The following XRCC5 variants were observed in gnomAD, a reference collection of about 807,000 sequenced individuals.
XRCC5 encodes the protein DNA repair protein Ku80.
Under a neutral mutation model 95.7 loss-of-function variants are expected in XRCC5, and 12 were observed. That is an observed-to-expected ratio of 0.13 (90% CI 0.08 to 0.20). The LOEUF (loss-of-function observed/expected upper bound fraction) is 0.20, where lower values mean the gene tolerates loss of function less well. XRCC5 is among the 10% of genes least tolerant of loss of function. The pLI is 1.00. For synonymous variants in XRCC5, 281 were observed against 290.3 expected (o/e 0.97, Z 0.33); for missense variants, 595 against 873.9 (o/e 0.68, Z 4.02).
intron 16 of XRCC5, among the ~76,000 whole-genome samples, chr2:216,185,089 C>A (rs1447177604): frequency 6.6e-6 from 1 of 152,158 alleles, no homozygotes; most frequent in Non-Finnish European, 1.5e-5. Flanking sequence ...TCTTCAGCTC[C>A]CATAGGACAG....
intron 18 of XRCC5, among the ~76,000 whole-genome samples, 198 bp downstream of exon 18, chr2:216,192,933 CAG>C (rs1325874615): frequency 1.3e-5 from 2 of 152,104 alleles, no homozygotes; most frequent in Non-Finnish European, 1.5e-5. Context: ...AGCATAAATA[CAG>C]AGTGATAAAT....
At chr2:216,152,504 C>T (rs754338759) in intron 14 of XRCC5, among the ~76,000 whole-genome samples, 18 of 152,064 alleles carry the variant, frequency 1.2e-4, no homozygotes, top group Admixed American at 4.6e-4. Context: ...GTGAGAACTC[C>T]GCAGTTTTGT....
intron 11 of XRCC5, among the ~76,000 whole-genome samples, chr2:216,137,529 A>G (rs899403210): frequency 9.9e-5 from 15 of 152,246 alleles, no homozygotes; most frequent in Non-Finnish European, 1.5e-5. Flanking sequence ...TTTAGATTAA[A>G]AGAATAATCA....
intron 16 of XRCC5, among the ~76,000 whole-genome samples, chr2:216,172,746 C>G (rs207930): frequency 0.26 from 38,845 of 151,950 alleles, 6,114 homozygotes; most frequent in Non-Finnish European, 0.37. Context: ...GGATTACATG[C>G]GTGAGCTGCC....
At chr2:216,126,841 C>T (rs958163668) in intron 7 of XRCC5, among the ~76,000 whole-genome samples, 2 of 151,782 alleles carry the variant, frequency 1.3e-5, no homozygotes, top group African/African-American at 4.8e-5. Flanking sequence ...ATATAGTCTC[C>T]CTCCTCTTTT....
chr2:216,117,412 A>G lies in XRCC5; in HGVS notation c.320-334A>G, dbSNP rs41298734. The stretch of plus-strand genomic sequence containing the variant: ...GTTAGGAGTGACTTGCAAATGCTAC[A>G]TTATGGTTCGCTTCATATTTAAGAA... On this transcript the variant is annotated intron_variant, in intron 3 of 20. Coordinates refer to ENST00000392132, the MANE Select transcript of XRCC5 (RefSeq NM_021141.4). The G allele has an allele frequency of 2.1e-4, 63 of 293,750 alleles. No individual in the cohort carries two copies. The East Asian group carries it at 3.4e-3, about 16-fold the overall frequency. 18.2% of individuals were successfully genotyped at this position (293,750 alleles called of 1,614,324 possible).
intron 19 of XRCC5, chr2:216,204,050 ACT>A: frequency 2.2e-6 from 1 of 447,304 alleles, no homozygotes; most frequent in Non-Finnish European, 4.2e-6. Flanking sequence ...GACACTACAC[ACT>A]GTCTCGACAA....
rs750922846 is a variant in XRCC5 at position 216,113,093 on chromosome 2, A to G, written c.99A>G (p.Gln33=). The change falls in exon 2 of 21, where the codon CAA becomes CAG. Residue 33 remains glutamine, a synonymous_variant. Coordinates refer to ENST00000392132, the MANE Select transcript of XRCC5 (RefSeq NM_021141.4). ...CTGGTATAGAATCCCCATTTGAACA[A>G]GCAAAGAAGGTGATAACCATGTTTG... ...SIPGIESPFE[Q]AKKVITMFVQ... The G allele has an allele frequency of 6.2e-7, 1 of 1,614,014 alleles. No individual in the cohort carries two copies. Among genetic ancestry groups the G allele is most frequent in the African/African-American group, 1.3e-5 (1 of 74,948 alleles).
At chr2:216,113,847 T>A (rs1170434247) in intron 2 of XRCC5, among the ~76,000 whole-genome samples, 2 of 152,254 alleles carry the variant, frequency 1.3e-5, no homozygotes, top group Admixed American at 1.3e-4. Context: ...ATGGGTTTTC[T>A]ATGAGACCCT....
chr2:216,165,992 G>A (rs981331062), intron 16 of XRCC5, among the ~76,000 whole-genome samples: 1 of 152,168 alleles, frequency 6.6e-6, no homozygotes, highest in African/African-American at 2.4e-5. Context: ...CTGGCAGAGA[G>A]GAGATAACCA....
intron 16 of XRCC5, among the ~76,000 whole-genome samples, chr2:216,181,592 G>T (rs957870945): frequency 3.3e-5 from 5 of 152,172 alleles, no homozygotes; most frequent in African/African-American, 1.2e-4. Flanking sequence ...AGATGCTTGT[G>T]ATTTGAGAAC....
rs1689695700 is a variant in XRCC5, at chr2:216,195,345, T to TTTTCTTTTC, written c.2109+362_2109+363insCTTTTCTTT. 3.8e-3 allele frequency among the ~76,000 whole-genome samples: 474 copies of TTTTCTTTTC among 125,258 alleles called. 1 individual carries two copies. The highest frequency in any genetic ancestry group is 6.0e-3 in the Non-Finnish European group (361 of 60,164). 82.2% of individuals were successfully genotyped at this position (125,258 alleles called of 152,430 possible). ...TTACTTGGTGAGCTTGTTTTTCTTT[T>TTTTCTTTTC]TTTTCTTTTCTTTTCTTTTCTTTTC... On this transcript the variant is annotated intron_variant, in intron 19 of 20. Transcript: ENST00000392132.
At chr2:216,123,981 G>A (rs904570583) in intron 6 of XRCC5, among the ~76,000 whole-genome samples, 35 of 152,160 alleles carry the variant, frequency 2.3e-4, no homozygotes, top group African/African-American at 8.4e-4. Context: ...CCAGAACTTT[G>A]CCATCCAGTA....
intron 19 of XRCC5, among the ~76,000 whole-genome samples, chr2:216,199,329 A>C (rs866828431): frequency 2.0e-5 from 3 of 152,218 alleles, no homozygotes; most frequent in South Asian, 2.1e-4. Context: ...CTTAAGAGCT[A>C]TTACCCTCCA....
intron 19 of XRCC5, among the ~76,000 whole-genome samples, chr2:216,198,518 T>G (rs1036085713): frequency 2.0e-5 from 3 of 151,624 alleles, no homozygotes; most frequent in African/African-American, 4.8e-5. Flanking sequence ...ACTTGATCCT[T>G]TGTATGAAAA....
At chr2:216,123,897 G>C (rs2106005130) in intron 6 of XRCC5, among the ~76,000 whole-genome samples, 1 of 152,332 alleles carries the variant, frequency 6.6e-6, no homozygotes, top group African/African-American at 2.4e-5. Flanking sequence ...ATATCAGATA[G>C]GGAAATTACT....
intron 19 of XRCC5, among the ~76,000 whole-genome samples, chr2:216,196,358 C>T (rs1689720597): frequency 6.6e-6 from 1 of 152,126 alleles, no homozygotes; most frequent in Admixed American, 6.5e-5. Context: ...CAATACTGAG[C>T]ACCATAGGCT....
chr2:216,191,252 T>C (rs1428190227), intron 17 of XRCC5, among the ~76,000 whole-genome samples: 1 of 151,968 alleles, frequency 6.6e-6, no homozygotes, highest in Non-Finnish European at 1.5e-5. Context: ...CTAGGTGGAG[T>C]GTCTTATAAC....
chr2:216,150,138 A>G (rs1184042539), intron 14 of XRCC5, among the ~76,000 whole-genome samples: 1 of 152,118 alleles, frequency 6.6e-6, no homozygotes, highest in African/African-American at 2.4e-5. Context: ...ACAATTCGCA[A>G]TGTTTTTGTA....
Sources: gnomAD v4.1 joint callset for allele counts (sites outside exome capture counted in the v4.1 genomes callset) on GRCh38, gnomAD v4.1.1 for gene constraint, MANE v1.5 for transcripts, NCBI Gene and HGNC (gene_info 2026-07-23, HGNC 2026-07-21) for gene names.